Variants in FRMPD4 observed in about 807,000 individuals in gnomAD.
FRMPD4 encodes FERM and PDZ domain containing 4.
In FRMPD4, 22 loss-of-function variants were observed where a neutral mutation model predicts 94.1. That is an observed-to-expected ratio of 0.23 (90% CI 0.17 to 0.33). FRMPD4 has a LOEUF of 0.33. FRMPD4 is among the 10% of genes least tolerant of loss of function. The pLI is 1.00. For missense variants in FRMPD4, 1,111 were observed against 1,339.9 expected, an observed-to-expected ratio of 0.83 and a Z score of 2.67; for synonymous variants, 631 against 548.6, an observed-to-expected ratio of 1.15 and a Z score of -2.10.
intron 1 of FRMPD4, among the ~76,000 whole-genome samples, chrX:12,387,007 ACAT>A (rs2056405474): frequency 8.9e-6 from 1 of 112,065 alleles, no homozygotes; most frequent in African/African-American, 3.2e-5. Flanking sequence ...GGCAAACAAA[ACAT>A]AAAGAGAAGC....
chrX:12,519,983 A>G (rs962704659), intron 2 of FRMPD4, among the ~76,000 whole-genome samples: 4 of 112,270 alleles, frequency 3.6e-5, no homozygotes, highest in African/African-American at 1.3e-4. Context: ...GGAAAACAGT[A>G]TGGCAAGTCC....
intron 1 of FRMPD4, among the ~76,000 whole-genome samples, chrX:12,328,803 T>C (rs1485269240): frequency 9.0e-6 from 1 of 111,615 alleles, no homozygotes; most frequent in Admixed American, 9.5e-5. Context: ...CTGTGTGATC[T>C]TCAGGAGGGA....
intron 2 of FRMPD4, among the ~76,000 whole-genome samples, chrX:12,549,746 C>T (rs911305338): frequency 8.9e-6 from 1 of 112,208 alleles, no homozygotes; most frequent in African/African-American, 3.2e-5. Flanking sequence ...ACTAGTCTAA[C>T]AAAAGCTCTG....
At position 12,138,703 on chromosome X, in the gene FRMPD4, C is replaced by G. The variant is rs955852007; in HGVS notation, c.-269C>G. 7.3e-5 allele frequency: 22 copies of G among 300,612 alleles called. No homozygotes were observed. The highest frequency in any genetic ancestry group is 5.7e-4 in the African/African-American group (21 of 36,655). The allele number at this position is 300,612 out of a possible 1,213,427, so 24.8% of individuals were successfully genotyped here. A position where few individuals can be genotyped will look rare whatever the true frequency, so the allele number is the denominator to read the frequency against. ...CGCTCCCCGCCCCCGCCTCTTGCGC[C>G]CTGCCTGGCTCCCTCTCCATTGAGT... On this transcript the variant is annotated 5_prime_UTR_variant, in exon 1 of 17. Coordinates refer to ENST00000675598, the MANE Select transcript of FRMPD4 (RefSeq NM_001368397.1).
intron 1 of FRMPD4, among the ~76,000 whole-genome samples, chrX:12,422,449 C>A (rs2056895815): frequency 8.9e-6 from 1 of 112,080 alleles, no homozygotes. Context: ...TCAAACAATC[C>A]TAGTTTATTC....
At chrX:12,079,003 A>G (rs192838849) in intron 3 of FRMPD4, among the ~76,000 whole-genome samples, 1 of 111,286 alleles carries the variant, frequency 9.0e-6, no homozygotes, top group Admixed American at 9.5e-5. Flanking sequence ...ATGGAAACAT[A>G]ATTAGGGTGA....
intron 1 of FRMPD4, among the ~76,000 whole-genome samples, chrX:12,201,801 A>AC (rs987944894): frequency 5.4e-5 from 6 of 110,986 alleles, no homozygotes; most frequent in African/African-American, 2.0e-4. Context: ...AGTTCATGCT[A>AC]CCCCCCTCTA....
chrX:12,150,797 A>T (rs928079942), intron 1 of FRMPD4, among the ~76,000 whole-genome samples: 2 of 111,784 alleles, frequency 1.8e-5, no homozygotes, highest in African/African-American at 6.5e-5. Flanking sequence ...AGGGAGATGT[A>T]CAAAGAGACT....
chrX:12,065,905 G>A (rs1330485230), intron 3 of FRMPD4, among the ~76,000 whole-genome samples: 1 of 111,813 alleles, frequency 8.9e-6, no homozygotes, highest in Admixed American at 9.5e-5. Flanking sequence ...TGTAGTTCTA[G>A]TCTTACTCAT....
intron 1 of FRMPD4, among the ~76,000 whole-genome samples, chrX:12,139,956 G>C (rs2055667765): frequency 8.9e-6 from 1 of 112,325 alleles, no homozygotes; most frequent in Non-Finnish European, 1.9e-5. Context: ...AAACTTACTT[G>C]CAATATGGAC....
At chrX:11,847,799 GCA>G (rs1569109979) in intron 1 of FRMPD4, among the ~76,000 whole-genome samples, 6 of 98,135 alleles carry the variant, frequency 6.1e-5, no homozygotes, top group East Asian at 3.4e-4. Flanking sequence ...ACCAAACACC[GCA>G]TGTTCTCACT....
At chrX:11,995,093 T>C (rs1042185908) in intron 3 of FRMPD4, among the ~76,000 whole-genome samples, 1 of 112,040 alleles carries the variant, frequency 8.9e-6, no homozygotes, top group Admixed American at 9.4e-5. Context: ...TAAGTGGTCT[T>C]TGGGCCTTTA....
chrX:12,331,792 GTATATAAATTATATATATTTATATACTA>G (rs1467018195), intron 1 of FRMPD4, among the ~76,000 whole-genome samples: 1,379 of 25,603 alleles, frequency 0.054, 258 homozygotes, highest in Non-Finnish European at 0.065. Flanking sequence ...TTTATATACT[GTATATAAATTATATATATTTATATACTA>G]TATATAAATT....
chrX:12,603,208 A>C (rs2059100457), intron 2 of FRMPD4, among the ~76,000 whole-genome samples: 1 of 112,290 alleles, frequency 8.9e-6, no homozygotes, highest in African/African-American at 3.2e-5. Context: ...TTAACTACCC[A>C]GGTAGCCTAC....
intron 3 of FRMPD4, among the ~76,000 whole-genome samples, chrX:12,109,166 G>C (rs1431322665): frequency 8.9e-6 from 1 of 111,821 alleles, no homozygotes; most frequent in Non-Finnish European, 1.9e-5. Context: ...TGACCACATA[G>C]TTGGAAGTAA....
chrX:12,713,959 C>T lies in FRMPD4; in HGVS notation c.1610-2110C>T, dbSNP rs188748597. On this transcript the variant is annotated intron_variant, in intron 14 of 16. Transcript: ENST00000675598. The stretch of plus-strand genomic sequence containing the variant: ...TCAAGCACTTTCAAAATCCCTGGCC[C>T]CACATATGTATGCATCTCTGGGCTT... Among the ~76,000 whole-genome samples the T allele has an allele frequency of 2.7e-5, 3 of 111,831 alleles. No individual in the cohort carries two copies. The East Asian group carries it at 8.4e-4, about 31-fold the overall frequency.
At position 11,908,694 on chromosome X, in the gene FRMPD4, C is replaced by T. The variant is rs72612861; in HGVS notation, c.95+30676C>T. Among the ~76,000 whole-genome samples the T allele has an allele frequency of 1.8e-3, 196 of 111,720 alleles. 2 individuals carry two copies. In the East Asian group the frequency reaches 0.038, roughly 21 times the overall value. ...TTTCCAGGCAAGAATACCACAGACA[C>T]GACCATTTTACTCAGAGTTCACTAG... On this transcript the variant is annotated intron_variant, in intron 3 of 18. Coordinates refer to the FRMPD4 transcript ENST00000640291.
At chrX:12,541,018 A>G (rs2058404022) in intron 2 of FRMPD4, among the ~76,000 whole-genome samples, 1 of 112,148 alleles carries the variant, frequency 8.9e-6, no homozygotes, top group Non-Finnish European at 1.9e-5. Flanking sequence ...GAAGGCAGAA[A>G]TAAAGATGTT....
chrX:12,718,838 G>A lies in FRMPD4; in HGVS notation c.3964+48G>A, dbSNP rs186965318. ...ACTTTGTATGACATGCCAAGAGCAT[G>A]TAAACCATATTTACAACAAACTTAA... On this transcript the variant is annotated intron_variant, in intron 16 of 16. Coordinates refer to ENST00000675598, the MANE Select transcript of FRMPD4 (RefSeq NM_001368397.1). 3,132 of 795,487 alleles carry A rather than the reference G, an allele frequency of 3.9e-3. 4 individuals carry two copies. The highest frequency in any genetic ancestry group is 5.0e-3 in the Non-Finnish European group (2,699 of 541,545). The allele number at this position is 795,487 out of a possible 1,213,427, so 65.6% of individuals were successfully genotyped here.
Sources: gnomAD v4.1 joint callset for allele counts (sites outside exome capture counted in the v4.1 genomes callset) on GRCh38, gnomAD v4.1.1 for gene constraint, MANE v1.5 for transcripts, NCBI Gene and HGNC (gene_info 2026-07-23, HGNC 2026-07-21) for gene names.